The following THSD7A variants were observed in gnomAD, a reference collection of about 807,000 sequenced individuals.
THSD7A encodes thrombospondin type 1 domain containing 7A.
A neutral mutation model predicts 231.3 loss-of-function variants in THSD7A; 96 were observed. That is an observed-to-expected ratio of 0.41 (90% CI 0.35 to 0.49). The LOEUF (loss-of-function observed/expected upper bound fraction) is 0.49, where lower values mean the gene tolerates loss of function less well. Ranked by LOEUF, THSD7A falls within the 20% of genes least tolerant of loss-of-function variation. The probability of loss-of-function intolerance (pLI) is 0.05; values close to 1 mark genes in which losing one functional copy is unlikely to be tolerated. For synonymous variants in THSD7A, 940 were observed against 743.3 expected, an observed-to-expected ratio of 1.26 and a Z score of -4.30; for missense variants, 2,290 against 2,070.2, an observed-to-expected ratio of 1.11 and a Z score of -2.06.
chr7:11,452,856 T>A (rs1230694122), intron 11 of THSD7A, among the ~76,000 whole-genome samples: 3 of 151,974 alleles, frequency 2.0e-5, no homozygotes, highest in Admixed American at 6.6e-5. Flanking sequence ...TATAAATAAT[T>A]CTAGAAGTTT....
chr7:11,602,364 A>G (rs1780582838), intron 2 of THSD7A, among the ~76,000 whole-genome samples: 1 of 152,070 alleles, frequency 6.6e-6, no homozygotes, highest in Admixed American at 6.6e-5. Context: ...CAAACCTTTC[A>G]ACAAATGTGT....
chr7:11,553,607 T>G (rs1562712821), intron 4 of THSD7A, among the ~76,000 whole-genome samples: 2 of 152,080 alleles, frequency 1.3e-5, no homozygotes, highest in African/African-American at 4.8e-5. Context: ...TTAAGAAGAC[T>G]TCTTTTTGAT....
At chr7:11,419,835 TGGAG>T (rs1260094397) in intron 16 of THSD7A, among the ~76,000 whole-genome samples, 1 of 152,128 alleles carries the variant, frequency 6.6e-6, no homozygotes, top group Non-Finnish European at 1.5e-5. Flanking sequence ...TATTGGGAAG[TGGAG>T]TAAAGCCCAC....
intron 1 of THSD7A, among the ~76,000 whole-genome samples, chr7:11,684,497 A>G (rs1779961323): frequency 6.6e-6 from 1 of 151,880 alleles, no homozygotes; most frequent in African/African-American, 2.4e-5. Context: ...TAAAGATTCC[A>G]CTGTAAGGCT....
intron 1 of THSD7A, among the ~76,000 whole-genome samples, chr7:11,648,437 T>C (rs111254826): frequency 1.3e-5 from 2 of 152,130 alleles, no homozygotes; most frequent in African/African-American, 4.8e-5. Flanking sequence ...TAATTTACTT[T>C]TTTTGTTGTT....
At chr7:11,501,499 T>C (rs971472762) in intron 6 of THSD7A, among the ~76,000 whole-genome samples, 4 of 152,096 alleles carry the variant, frequency 2.6e-5, no homozygotes, top group Admixed American at 6.5e-5. Context: ...GACAATTACA[T>C]AGAAATTAAA....
At chr7:11,799,530 A>G (rs112875878) in intron 1 of THSD7A, among the ~76,000 whole-genome samples, 51 of 152,332 alleles carry the variant, frequency 3.3e-4, no homozygotes, top group African/African-American at 1.2e-3. Flanking sequence ...ATCTTATTAG[A>G]AAGTAATTTT....
rs77829066 is a variant in THSD7A, at chr7:11,457,676, A to G, written c.2605+2986T>C. ...GTCTAAAATACTGATCTTGACATTT[A>G]TAGCCTTCCACAAAATCACCCCAGG... On this transcript the variant is annotated intron_variant, in intron 11 of 27. Coordinates refer to ENST00000423059, the MANE Select transcript of THSD7A (RefSeq NM_015204.3). Among the ~76,000 whole-genome samples the G allele has an allele frequency of 8.5e-3, 1,293 of 152,176 alleles. 8 individuals carry two copies. Among genetic ancestry groups the G allele is most frequent in the Middle Eastern group, 0.031 (9 of 294 alleles).
At chr7:11,398,255 A>C (rs1321585490) in intron 23 of THSD7A, among the ~76,000 whole-genome samples, 1 of 152,166 alleles carries the variant, frequency 6.6e-6, no homozygotes, top group Non-Finnish European at 1.5e-5. Context: ...ATGAACCTGG[A>C]AACTATCATT....
chr7:11,774,565 A>C (rs1401521623), intron 1 of THSD7A, among the ~76,000 whole-genome samples: 2 of 152,046 alleles, frequency 1.3e-5, no homozygotes, highest in African/African-American at 4.8e-5. Context: ...GGATATTTTT[A>C]TTACCTTAAT....
At chr7:11,401,120 T>TA (rs1248369863) in intron 23 of THSD7A, among the ~76,000 whole-genome samples, 1 of 152,192 alleles carries the variant, frequency 6.6e-6, no homozygotes, top group African/African-American at 2.4e-5. Context: ...AAAAATATAG[T>TA]AAAATCTCAC....
intron 6 of THSD7A, among the ~76,000 whole-genome samples, chr7:11,507,269 T>C (rs996964364): frequency 6.6e-6 from 1 of 152,166 alleles, no homozygotes; most frequent in Non-Finnish European, 1.5e-5. Context: ...AATTTTTTTC[T>C]GGGGTGAGTT....
chr7:11,380,096 A>G (rs1295481435), intron 24 of THSD7A, among the ~76,000 whole-genome samples: 3 of 152,222 alleles, frequency 2.0e-5, no homozygotes, highest in Non-Finnish European at 4.4e-5. Flanking sequence ...GATTCAAAAC[A>G]ATAGTTTTCA....
At chr7:11,466,613 A>C (rs1047171212) in intron 9 of THSD7A, among the ~76,000 whole-genome samples, 4 of 152,114 alleles carry the variant, frequency 2.6e-5, no homozygotes, top group African/African-American at 4.8e-5. Flanking sequence ...GCCTAGGTTT[A>C]GGGTTTCTGA....
In THSD7A at chr7:11,637,234, C is replaced by T. The variant is rs1360506310; in HGVS notation, c.191-273G>A. On this transcript the variant is annotated intron_variant, in intron 1 of 27. Transcript: ENST00000423059. The surrounding 1 kb of genome is among the most constrained non-coding windows in gnomAD (Gnocchi z 4.2). Reference sequence around the variant, plus strand: ...CGAAAAGTTTGGTTTTGTTCATTTCCTTTGTTTTAGGTAGTTAGAAATCCT... The same window carrying T: ...CGAAAAGTTTGGTTTTGTTCATTTCTTTTGTTTTAGGTAGTTAGAAATCCT... Among the ~76,000 whole-genome samples, 1 of 152,080 alleles carries T rather than the reference C, an allele frequency of 6.6e-6. No homozygotes were observed. The highest frequency in any genetic ancestry group is 1.9e-4 in the East Asian group (1 of 5,192).
intron 6 of THSD7A, among the ~76,000 whole-genome samples, chr7:11,540,983 G>T (rs764656653): frequency 2.6e-5 from 4 of 152,128 alleles, no homozygotes; most frequent in African/African-American, 9.7e-5. Flanking sequence ...CGATATCAGG[G>T]AGGTTAAAGG....
At chr7:11,666,495 T>C (rs1783137999) in intron 1 of THSD7A, among the ~76,000 whole-genome samples, 1 of 152,084 alleles carries the variant, frequency 6.6e-6, no homozygotes, top group Non-Finnish European at 1.5e-5. Flanking sequence ...ACCTGTATTA[T>C]AATTTAACTT....
intron 4 of THSD7A, among the ~76,000 whole-genome samples, chr7:11,557,540 T>A (rs1173889440): frequency 1.3e-5 from 2 of 152,078 alleles, no homozygotes; most frequent in Non-Finnish European, 2.9e-5. Flanking sequence ...ACCCAGACAT[T>A]TTTGCCTCAT....
intron 1 of THSD7A, among the ~76,000 whole-genome samples, chr7:11,791,384 C>A (rs1191856797): frequency 6.6e-6 from 1 of 151,940 alleles, no homozygotes; most frequent in African/African-American, 2.4e-5. Flanking sequence ...TAAATGTTAT[C>A]CTCCCTACCC....
Sources: allele counts gnomAD v4.1 joint callset (sites outside exome capture counted in the v4.1 genomes callset), GRCh38; gene constraint gnomAD v4.1.1; non-coding constraint Gnocchi (gnomAD v3.1); transcripts MANE v1.5; gene names NCBI Gene and HGNC (gene_info 2026-07-23, HGNC 2026-07-21).